The following PON1 variants were observed in gnomAD, a reference collection of about 807,000 sequenced individuals.
The protein encoded by PON1 is serum paraoxonase/arylesterase 1.
PON1 carries 37 observed loss-of-function variants against 39.2 expected under a neutral mutation model. The ratio of observed to expected loss-of-function variants is 0.94; its 90% CI spans 0.73 to 1.24. The LOEUF (loss-of-function observed/expected upper bound fraction) is 1.24. Ranked by LOEUF, PON1 falls within the 50% of genes most tolerant of loss-of-function variation. PON1 has a pLI of 0.00. For missense variants in PON1, 397 were observed against 413.5 expected, an observed-to-expected ratio of 0.96 and a Z score of 0.35; for synonymous variants, 148 against 152.2, an observed-to-expected ratio of 0.97 and a Z score of 0.21.
chr7:95,297,847 C>G lies in PON1; in HGVS notation c.*1097G>C, dbSNP rs1807303540. On this transcript the variant is annotated 3_prime_UTR_variant, in exon 9 of 9. Transcript: ENST00000222381. ...GTTTCTAAAGTCACTGCCTTAACAC[C>G]CTGAAGAAGTAATTCATCATGAAGG... is the stretch of plus-strand genomic sequence containing the variant. 6.6e-6 allele frequency: 1 copy of G among 151,892 alleles called. No individual in the cohort carries two copies. The highest frequency in any genetic ancestry group is 2.1e-4 in the South Asian group (1 of 4,796). The allele number at this position is 151,892 out of a possible 1,614,324, so 9.4% of individuals were successfully genotyped here. A position where few individuals can be genotyped will look rare whatever the true frequency, so the allele number is the denominator to read the frequency against.
chr7:95,311,241 C>G (rs1807645626), intron 5 of PON1, among the ~76,000 whole-genome samples: 1 of 152,094 alleles, frequency 6.6e-6, no homozygotes, highest in Non-Finnish European at 1.5e-5. Flanking sequence ...AGCATCCAAT[C>G]AGCTCGAGAA....
intron 4 of PON1, among the ~76,000 whole-genome samples, chr7:95,312,841 A>T (rs1466587428): frequency 5.3e-5 from 8 of 152,190 alleles, no homozygotes; most frequent in African/African-American, 1.9e-4. Context: ...GCCCCGGGGC[A>T]GAACTTCCTG....
At chr7:95,318,478 T>A in intron 1 of PON1, 85 bp from the exon 2 acceptor site, 2 of 1,249,566 alleles carry the variant, frequency 1.6e-6, no homozygotes, top group South Asian at 1.2e-5. Flanking sequence ...ACAAAAGTTC[T>A]CCTTCACTGT....
chr7:95,299,977 C>A (rs1194713359), intron 8 of PON1, among the ~76,000 whole-genome samples: 2 of 151,914 alleles, frequency 1.3e-5, no homozygotes, highest in Non-Finnish European at 2.9e-5. Flanking sequence ...TTTTAAAATG[C>A]AGACAAGAAA....
At position 95,298,654 on chromosome 7, in the gene PON1, C is replaced by T. The variant is rs1023335917; in HGVS notation, c.*290G>A. ...TAGGGTAAGTACTTTTGGGGTCACACACTGTTATTTAATATCTGACAATTG... is the reference window on the plus strand; with the variant it reads ...TAGGGTAAGTACTTTTGGGGTCACATACTGTTATTTAATATCTGACAATTG... On this transcript the variant is annotated 3_prime_UTR_variant, in exon 9 of 9. Coordinates refer to ENST00000222381, the MANE Select transcript of PON1 (RefSeq NM_000446.7). 2.2e-6 allele frequency: 1 copy of T among 464,582 alleles called. No individual in the cohort carries two copies. The highest frequency in any genetic ancestry group is 4.0e-6 in the Non-Finnish European group (1 of 252,332). The allele number at this position is 464,582 out of a possible 1,614,324, so 28.8% of individuals were successfully genotyped here.
chr7:95,314,188 C>T (rs1456059285), intron 4 of PON1, among the ~76,000 whole-genome samples: 4 of 151,960 alleles, frequency 2.6e-5, no homozygotes, highest in Admixed American at 6.6e-5. Context: ...GTGAAACCCC[C>T]GTCTCTACTA....
intron 7 of PON1, among the ~76,000 whole-genome samples, chr7:95,304,893 GGT>G (rs1339669850): frequency 6.6e-6 from 1 of 152,178 alleles, no homozygotes; most frequent in African/African-American, 2.4e-5. Flanking sequence ...GTCTCACCCT[GGT>G]GAGAGCAGAG....
At chr7:95,303,703 G>T (rs927747072) in intron 7 of PON1, among the ~76,000 whole-genome samples, 50 of 152,170 alleles carry the variant, frequency 3.3e-4, no homozygotes, top group African/African-American at 1.2e-3. Context: ...GTCCAGCAAT[G>T]AACTCTTTGC....
chr7:95,308,074 T>G lies in PON1; in HGVS notation c.635A>C (p.Glu212Ala), dbSNP rs752182948. The G allele has an allele frequency of 6.2e-6, 10 of 1,614,038 alleles. No homozygotes were observed. In the South Asian group the frequency reaches 1.1e-4, roughly 18 times the overall value. The stretch of plus-strand genomic sequence containing the variant: ...AAATCCTTCTGCCACCACTCGAACT[T>G]CACTTGGACTATAGTAGACAACATA... The part of the protein sequence containing the change: ...WSYVVYYSPS[E>A]VRVVAEGFDF... The change falls in exon 6 of 9, where the codon GAA (glutamate) becomes GCA (alanine). Residue 212 changes from glutamate (E) to alanine (A), a missense_variant. Physicochemically the swap from Glu to Ala is moderately radical, Grantham distance 107. Transcript: ENST00000222381.
chr7:95,322,946 G>A (rs1343365253), intron 1 of PON1, among the ~76,000 whole-genome samples: 1 of 152,138 alleles, frequency 6.6e-6, no homozygotes, highest in Non-Finnish European at 1.5e-5. Context: ...TACACTCCAA[G>A]TCTGAAGAAA....
In PON1 at chr7:95,298,687, T is replaced by C. The variant is rs113193849; in HGVS notation, c.*257A>G. On this transcript the variant is annotated 3_prime_UTR_variant, in exon 9 of 9. Coordinates refer to ENST00000222381, the MANE Select transcript of PON1 (RefSeq NM_000446.7). The stretch of plus-strand genomic sequence containing the variant: ...TTTAATATCTGACAATTGACATAAC[T>C]GATTTATCCATTTTAGTGAGAAGGA... 5 of 545,940 alleles carry C rather than the reference T, an allele frequency of 9.2e-6. No homozygotes were observed. The highest frequency in any genetic ancestry group is 1.6e-5 in the Non-Finnish European group (5 of 303,778). 33.8% of individuals were successfully genotyped at this position (545,940 alleles called of 1,614,324 possible).
At chr7:95,316,184 G>T (rs2116320445) in intron 3 of PON1, among the ~76,000 whole-genome samples, 1 of 152,232 alleles carries the variant, frequency 6.6e-6, no homozygotes, top group Non-Finnish European at 1.5e-5. Context: ...TAGGCCAGAT[G>T]GTGGACTTCT....
At chr7:95,302,182 T>C (rs755094281) in intron 8 of PON1, 23 bp downstream of exon 8, 43 of 1,569,984 alleles carry the variant, frequency 2.7e-5, no homozygotes, top group Admixed American at 1.7e-4. Context: ...AAGTCACTTA[T>C]CTGGTTCATT....
intron 4 of PON1, among the ~76,000 whole-genome samples, chr7:95,314,825 T>C (rs1807730325): frequency 6.6e-6 from 1 of 152,076 alleles, no homozygotes; most frequent in African/African-American, 2.4e-5. Context: ...CAAGTTATGT[T>C]GAAAGGGACC....
At chr7:95,306,800 G>T (rs1224792066) in intron 6 of PON1, among the ~76,000 whole-genome samples, 1 of 152,038 alleles carries the variant, frequency 6.6e-6, no homozygotes, top group Non-Finnish European at 1.5e-5. Context: ...GAGAAGAAAA[G>T]CTGCTTGGCT....
intron 1 of PON1, among the ~76,000 whole-genome samples, chr7:95,322,556 T>C (rs1807922337): frequency 2.0e-5 from 3 of 152,090 alleles, no homozygotes; most frequent in Admixed American, 1.3e-4. Context: ...CAGAAATGCA[T>C]CGAGAGGCCC....
chr7:95,317,966 T>TA (rs1236647465), intron 2 of PON1, among the ~76,000 whole-genome samples: 3 of 151,878 alleles, frequency 2.0e-5, no homozygotes, highest in African/African-American at 4.8e-5. Flanking sequence ...AGAGCCTTTC[T>TA]AAAAAAAAGT....
intron 1 of PON1, among the ~76,000 whole-genome samples, chr7:95,318,856 C>T (rs1232573888): frequency 8.5e-5 from 13 of 152,116 alleles, no homozygotes. Flanking sequence ...AATACAGGTA[C>T]GTTGAAAGGA....
chr7:95,312,706 G>A (rs765310220), intron 4 of PON1, among the ~76,000 whole-genome samples: 27 of 152,008 alleles, frequency 1.8e-4, no homozygotes, highest in Non-Finnish European at 3.2e-4. Context: ...CAAAGGCCCT[G>A]GGGCAGAACT....
Sources: allele counts gnomAD v4.1 joint callset (sites outside exome capture counted in the v4.1 genomes callset), GRCh38; gene constraint gnomAD v4.1.1; transcripts MANE v1.5; gene names NCBI Gene and HGNC (gene_info 2026-07-23, HGNC 2026-07-21).